Variants in PTPRN2 observed in about 807,000 individuals in gnomAD.
PTPRN2 encodes the protein protein tyrosine phosphatase receptor type N2, also known as receptor-type tyrosine-protein phosphatase N2.
PTPRN2 carries 74 observed loss-of-function variants against 118.8 expected under a neutral mutation model. That is an observed-to-expected ratio of 0.62 (90% CI 0.52 to 0.76). PTPRN2 has a LOEUF of 0.76. Among genes scored for constraint, PTPRN2 ranks in the 30% least tolerant of loss-of-function variants. The probability of loss-of-function intolerance (pLI) is 0.00; values close to 1 mark genes in which losing one functional copy is unlikely to be tolerated. For synonymous variants in PTPRN2, 641 were observed against 608.0 expected, an observed-to-expected ratio of 1.05 and a Z score of -0.80; for missense variants, 1,481 against 1,394.4, an observed-to-expected ratio of 1.06 and a Z score of -0.99.
At chr7:158,311,842 T>G (rs1402954726) in intron 3 of PTPRN2, among the ~76,000 whole-genome samples, 1 of 150,546 alleles carries the variant, frequency 6.6e-6, no homozygotes, top group Non-Finnish European at 1.5e-5. Context: ...CACACACACC[T>G]GCACACACAC....
intron 2 of PTPRN2, among the ~76,000 whole-genome samples, chr7:158,476,895 C>G (rs1820309953): frequency 6.6e-6 from 1 of 152,226 alleles, no homozygotes; most frequent in East Asian, 1.9e-4. Context: ...GGGTCACATG[C>G]ATACATCTGA....
chr7:158,265,752 C>T (rs1797829395), intron 3 of PTPRN2, among the ~76,000 whole-genome samples: 1 of 152,340 alleles, frequency 6.6e-6, no homozygotes, highest in East Asian at 1.9e-4. Flanking sequence ...TGAGCAGAGG[C>T]ACCATGAGGA....
chr7:157,701,728 T>A (rs1798075930), intron 12 of PTPRN2, among the ~76,000 whole-genome samples: 1 of 152,274 alleles, frequency 6.6e-6, no homozygotes, highest in African/African-American at 2.4e-5. Flanking sequence ...TGACGTGGGC[T>A]GTGCGTTTAT....
At chr7:158,304,338 C>T (rs1305354093) in intron 3 of PTPRN2, among the ~76,000 whole-genome samples, 3 of 148,222 alleles carry the variant, frequency 2.0e-5, no homozygotes, top group Non-Finnish European at 4.4e-5. Context: ...CGTCAATATG[C>T]TAAGATGTAC....
At chr7:157,582,637 A>G (rs1269660370) in intron 17 of PTPRN2, among the ~76,000 whole-genome samples, 1 of 152,132 alleles carries the variant, frequency 6.6e-6, no homozygotes, top group African/African-American at 2.4e-5. Context: ...GCACTTTGGG[A>G]GGCCGAGGCA....
At chr7:158,240,538 C>G (rs918103338) in intron 3 of PTPRN2, among the ~76,000 whole-genome samples, 1 of 152,188 alleles carries the variant, frequency 6.6e-6, no homozygotes, top group Non-Finnish European at 1.5e-5. Flanking sequence ...AAGTGATTCT[C>G]CTGCCTCGGC....
chr7:158,071,456 T>TGCCCGTGGTG (rs1585337803), intron 11 of PTPRN2, among the ~76,000 whole-genome samples: 15 of 20,180 alleles, frequency 7.4e-4, no homozygotes, highest in Admixed American at 1.8e-3. Context: ...TGCTCGTGGT[T>TGCCCGTGGTG]GAGGTGCTCG....
intron 11 of PTPRN2, among the ~76,000 whole-genome samples, chr7:158,075,522 G>T (rs1443425193): frequency 6.6e-6 from 1 of 152,156 alleles, no homozygotes; most frequent in Non-Finnish European, 1.5e-5. Flanking sequence ...AGGTCCAGCA[G>T]GAGACGGGCA....
intron 11 of PTPRN2, among the ~76,000 whole-genome samples, chr7:158,002,240 GC>G: frequency 6.6e-6 from 1 of 152,276 alleles, no homozygotes; most frequent in East Asian, 1.9e-4. Context: ...TTAGAGACCC[GC>G]CCCCTGCAGA....
chr7:158,331,318 T>G (rs1366230116), intron 2 of PTPRN2, among the ~76,000 whole-genome samples: 3 of 139,920 alleles, frequency 2.1e-5, no homozygotes, highest in Admixed American at 1.4e-4. Context: ...CCATAAGAGC[T>G]GAGGCCCACA....
chr7:157,791,925 T>C (rs1289847824), intron 12 of PTPRN2, among the ~76,000 whole-genome samples: 1 of 152,204 alleles, frequency 6.6e-6, no homozygotes, highest in Non-Finnish European at 1.5e-5. Context: ...TGAAGATATG[T>C]ACGGAAAATA....
chr7:157,654,386 G>A (rs1805928718), intron 14 of PTPRN2, among the ~76,000 whole-genome samples: 1 of 152,110 alleles, frequency 6.6e-6, no homozygotes, highest in African/African-American at 2.4e-5. Context: ...TGGAGTCAGG[G>A]AAATATCTCA....
At chr7:158,499,737 C>T (rs996006845) in intron 1 of PTPRN2, among the ~76,000 whole-genome samples, 8 of 151,974 alleles carry the variant, frequency 5.3e-5, no homozygotes, top group African/African-American at 1.5e-4. Flanking sequence ...TGCCACTGCA[C>T]TCCAGCCTGG....
intron 12 of PTPRN2, among the ~76,000 whole-genome samples, chr7:157,827,597 A>G (rs924291146): frequency 3.9e-5 from 6 of 152,222 alleles, no homozygotes; most frequent in African/African-American, 1.4e-4. Context: ...CTTCAAACCC[A>G]GTGGCCCAGG....
chr7:158,439,993 A>G (rs1415639378), intron 2 of PTPRN2, among the ~76,000 whole-genome samples: 1 of 152,200 alleles, frequency 6.6e-6, no homozygotes, highest in Non-Finnish European at 1.5e-5. Context: ...TTCCTATCAC[A>G]CTGTACTAAA....
chr7:158,368,809 C>T (rs6942394), intron 2 of PTPRN2, among the ~76,000 whole-genome samples: 112,047 of 152,114 alleles, frequency 0.74, 41,484 homozygotes, highest in East Asian at 0.85. Context: ...AATTTTAGGA[C>T]GAGAGCTCTG....
chr7:157,874,450 A>G lies in PTPRN2; in HGVS notation c.1788+24223T>C, dbSNP rs78152877. On this transcript the variant is annotated intron_variant, in intron 12 of 22. Transcript: ENST00000389418. This position sits in a 1 kb window ranked among gnomAD's most constrained non-coding sequence, Gnocchi z 5.8. ...CGATCCTGCCTCTGCTTCTGTCCACATGGCCCCAGCCACAGTGCCTTCCTG... is the reference window on the plus strand; with the variant it reads ...CGATCCTGCCTCTGCTTCTGTCCACGTGGCCCCAGCCACAGTGCCTTCCTG... Among the ~76,000 whole-genome samples, 1,113 of 152,200 alleles carry G rather than the reference A, an allele frequency of 7.3e-3. 55 individuals are homozygous for G. The East Asian group carries it at 0.13, about 18-fold the overall frequency.
At chr7:158,148,322 A>C (rs74722224) in intron 6 of PTPRN2, among the ~76,000 whole-genome samples, 289 of 7,494 alleles carry the variant, frequency 0.039, no homozygotes, top group Admixed American at 0.053. Context: ...TTCCCCCTCA[A>C]TGACACCCCA....
At chr7:158,364,486 G>A (rs369039557) in intron 2 of PTPRN2, among the ~76,000 whole-genome samples, 1 of 152,164 alleles carries the variant, frequency 6.6e-6, no homozygotes, top group South Asian at 2.1e-4. Context: ...CTCTTTTTCT[G>A]GTTTATAAAT....
Sources: gnomAD v4.1 joint callset for allele counts (sites outside exome capture counted in the v4.1 genomes callset) on GRCh38, gnomAD v4.1.1 for gene constraint, Gnocchi (gnomAD v3.1) non-coding constraint, MANE v1.5 for transcripts, NCBI Gene and HGNC (gene_info 2026-07-23, HGNC 2026-07-21) for gene names.